APOB: variants seen among roughly 807,000 people sequenced by gnomAD.
The protein encoded by APOB is apolipoprotein B.
Under a neutral mutation model 314.1 loss-of-function variants are expected in APOB, and 153 were observed. The ratio of observed to expected loss-of-function variants is 0.49; its 90% CI spans 0.43 to 0.56. APOB has a LOEUF of 0.56. APOB is among the 20% of genes least tolerant of loss of function. The probability of loss-of-function intolerance (pLI) is 0.00; values close to 1 mark genes in which losing one functional copy is unlikely to be tolerated. For synonymous variants in APOB, 2,087 were observed against 2,036.4 expected, an observed-to-expected ratio of 1.02 and a Z score of -0.67; for missense variants, 5,430 against 5,350.7, an observed-to-expected ratio of 1.01 and a Z score of -0.46.
intron 8 of APOB, 148 bp from the exon 9 acceptor site, chr2:21,033,666 G>A (rs1663934821): frequency 1.4e-6 from 1 of 730,764 alleles, no homozygotes; most frequent in East Asian, 2.6e-5. Context: ...ATCTGGCTCT[G>A]CCATAGGTGA....
Position 21,006,696 on chromosome 2 carries a change from C to T in APOB, c.10172G>A (p.Arg3391Lys), listed in dbSNP as rs965780820. Residue 3391 changes from arginine to lysine, a missense_variant, in exon 26 of 29, where the codon AGG becomes AAG. Transcript: ENST00000233242. ...CAGAGCTGTGGCTAACTTCAATCCCCTTTTTCTTGTCAATCTTGTGGTGCC... is the reference window on the plus strand; with the variant it reads ...CAGAGCTGTGGCTAACTTCAATCCCTTTTTTCTTGTCAATCTTGTGGTGCC... ...LEGTTRLTRK[R>K]GLKLATALSL... The T allele has an allele frequency of 1.2e-6, 2 of 1,613,964 alleles. No homozygotes were observed. Among genetic ancestry groups the T allele is most frequent in the Non-Finnish European group, 1.7e-6 (2 of 1,179,980 alleles).
In APOB at chr2:21,042,427, C is replaced by A; in HGVS notation, c.171G>T (p.Glu57Asp). The A allele has an allele frequency of 3.1e-6, 5 of 1,614,130 alleles. No homozygotes were observed. The highest frequency in any genetic ancestry group is 4.2e-6 in the Non-Finnish European group (5 of 1,180,034). ...KHLRKYTYNY[E>D]AESSSGVPGT... ...CAGGGACTCCACTGGAACTCTCAGCCTCATAGTTGTATGTGTACTTCCGGA... is the reference window on the plus strand; with the variant it reads ...CAGGGACTCCACTGGAACTCTCAGCATCATAGTTGTATGTGTACTTCCGGA... The change falls in exon 3 of 29, where the codon GAG becomes GAT. Residue 57 changes from glutamate to aspartate, a missense_variant. Coordinates refer to ENST00000233242, the MANE Select transcript of APOB (RefSeq NM_000384.3).
Position 21,009,573 on chromosome 2 carries a change from T to C in APOB, c.7295A>G (p.Tyr2432Cys). Residue 2432 changes from tyrosine (Y) to cysteine (C), a missense_variant, in exon 26 of 29, where the codon TAC becomes TGC. Physicochemically the swap from Tyr to Cys is radical, Grantham distance 194 (BLOSUM62 -2). Transcript: ENST00000233242. ...MLIKKLKSFDYHQFVDETNDK... is the reference protein window; with the variant it reads ...MLIKKLKSFDCHQFVDETNDK... ...ATTGGTTTCATCTACAAACTGGTGG[T>C]AATCAAATGACTTTAATTTCTTTAT... is the stretch of plus-strand genomic sequence containing the variant. 1 of 1,614,026 alleles carries C rather than the reference T, an allele frequency of 6.2e-7. No individual in the cohort carries two copies. The highest frequency in any genetic ancestry group is 8.5e-7 in the Non-Finnish European group (1 of 1,179,926).
chr2:21,004,633 T>C lies in APOB; in HGVS notation c.11831A>G (p.Lys3944Arg). Residue 3944 changes from lysine to arginine, a missense_variant, in exon 27 of 29, where the codon AAG becomes AGG. Physicochemically the swap from Lys to Arg is conservative, Grantham distance 26. Coordinates refer to ENST00000233242, the MANE Select transcript of APOB (RefSeq NM_000384.3). ...ACGGTGTGCAAATGTTCCTTTAGTCTTAGAGGCTAACGTACCATCTTCGAT... is the reference window on the plus strand; with the variant it reads ...ACGGTGTGCAAATGTTCCTTTAGTCCTAGAGGCTAACGTACCATCTTCGAT... ...HKIEDGTLAS[K>R]TKGTFAHRDF... is the part of the protein sequence containing the mutation. 1 of 1,613,994 alleles carries C rather than the reference T, an allele frequency of 6.2e-7. No homozygotes were observed. Among genetic ancestry groups the C allele is most frequent in the Admixed American group, 1.7e-5 (1 of 60,020 alleles).
chr2:21,013,287 G>T lies in APOB; in HGVS notation c.4089C>A (p.Tyr1363Ter), dbSNP rs1553384177. ...LGVLDLSTNVYSNLYNWSASY... is the reference protein window; with the variant it reads ...LGVLDLSTNV ...AGGCGGACCAGTTGTACAAGTTGCT[G>T]TAGACATTCGTGGAGAGGTCTAGAA... Residue 1363 changes from tyrosine to a stop codon, truncating the protein, a stop_gained, in exon 25 of 29, where the codon TAC becomes TAA. Coordinates refer to ENST00000233242, the MANE Select transcript of APOB (RefSeq NM_000384.3). LOFTEE classifies it high-confidence loss of function. The T allele has an allele frequency of 6.2e-7, 1 of 1,614,244 alleles. No homozygotes were observed. The highest frequency in any genetic ancestry group is 8.5e-7 in the Non-Finnish European group (1 of 1,180,042).
chr2:21,011,034 T>A lies in APOB; in HGVS notation c.5834A>T (p.Asp1945Val), dbSNP rs181877973. The A allele has an allele frequency of 6.2e-7, 1 of 1,614,038 alleles. No individual in the cohort carries two copies. The highest frequency in any genetic ancestry group is 1.1e-5 in the South Asian group (1 of 91,086). Residue 1945 changes from aspartate (D) to valine (V), a missense_variant, in exon 26 of 29, where the codon GAT (aspartate) becomes GTT (valine). Around this residue, in one of 3 missense-constraint regions of APOB, gnomAD observed 3,281 missense variants for 3,171.0 expected, o/e 1.03. Transcript: ENST00000233242. Reference sequence around the variant, plus strand: ...ATGATGACTTGTGGAGCCTTTGTAATCATGAGAGAAAGTAAATGCCAGAGG... The same window carrying A: ...ATGATGACTTGTGGAGCCTTTGTAAACATGAGAGAAAGTAAATGCCAGAGG... ...AEPLAFTFSH[D>V]YKGSTSHHLV...
intron 22 of APOB, 21 bp from the exon 23 acceptor site, chr2:21,015,281 G>T (rs761229829): frequency 6.2e-7 from 1 of 1,613,680 alleles, no homozygotes; most frequent in South Asian, 1.1e-5. Context: ...GTAGGAAATA[G>T]TTGTGAATGG....
chr2:21,032,344 G>A lies in APOB; in HGVS notation c.1352+10C>T. 6.2e-7 allele frequency: 1 copy of A among 1,610,392 alleles called. No homozygotes were observed. The highest frequency in any genetic ancestry group is 8.5e-7 in the Non-Finnish European group (1 of 1,179,072). ...GCTCCTAGGAGGAGAAATACAGTGT[G>A]GAAACTCACTTGTTGACCGCGTGGC... is the stretch of plus-strand genomic sequence containing the variant. On this transcript the variant is annotated intron_variant, in intron 10 of 28. Transcript: ENST00000233242.
intron 18 of APOB, among the ~76,000 whole-genome samples, chr2:21,021,275 A>G (rs1325277240): frequency 1.3e-5 from 2 of 152,158 alleles, no homozygotes; most frequent in Non-Finnish European, 2.9e-5. Flanking sequence ...TTAATCACCC[A>G]GTACTTATGA....
Position 21,037,111 on chromosome 2 carries a change from T to C in APOB, c.682A>G (p.Ile228Val). ...IRTGISPLALIKGMTRPLSTL... is the reference protein window; with the variant it reads ...IRTGISPLALVKGMTRPLSTL... ...GACATGGGACTTACCATGCCTTTGATGAGAGCAAGTGGGCTGATGCCTGTG... is the reference window on the plus strand; with the variant it reads ...GACATGGGACTTACCATGCCTTTGACGAGAGCAAGTGGGCTGATGCCTGTG... The change falls in exon 6 of 29, where the codon ATC (isoleucine) becomes GTC (valine). Residue 228 changes from isoleucine (I) to valine (V), a missense_variant. Ile to Val is a conservative substitution (Grantham distance 29). This residue lies in a region of APOB where 2,085 missense variants were observed against 2,079.7 expected (regional missense o/e 1.00). Coordinates refer to ENST00000233242, the MANE Select transcript of APOB (RefSeq NM_000384.3). The C allele has an allele frequency of 1.2e-6, 2 of 1,614,216 alleles. No homozygotes were observed. The highest frequency in any genetic ancestry group is 1.7e-6 in the Non-Finnish European group (2 of 1,180,030).
chr2:21,040,996 C>T lies in APOB; in HGVS notation c.325G>A (p.Gly109Ser). Reference sequence around the variant, plus strand: ...TTGGTTTTCTTCAGCAAGGCTTTGCCCTCAGGGTTGAAGCCATACACCTCT... The same window carrying T: ...TTGGTTTTCTTCAGCAAGGCTTTGCTCTCAGGGTTGAAGCCATACACCTCT... ...LKEVYGFNPEGKALLKKTKNS... is the reference protein window; with the variant it reads ...LKEVYGFNPESKALLKKTKNS... The change falls in exon 4 of 29, where the codon GGC (glycine) becomes AGC (serine). Residue 109 changes from glycine to serine, a missense_variant. By Grantham distance (56) the Gly-to-Ser change is moderately conservative. Around this residue, in one of 3 missense-constraint regions of APOB, gnomAD observed 2,085 missense variants for 2,079.7 expected, o/e 1.00. Coordinates refer to ENST00000233242, the MANE Select transcript of APOB (RefSeq NM_000384.3). 1 of 1,613,956 alleles carries T rather than the reference C, an allele frequency of 6.2e-7. No homozygotes were observed. The highest frequency in any genetic ancestry group is 8.5e-7 in the Non-Finnish European group (1 of 1,180,008).
chr2:21,037,334 T>A, intron 5 of APOB, 79 bp from the exon 6 acceptor site: 3 of 1,426,218 alleles, frequency 2.1e-6, no homozygotes, highest in Non-Finnish European at 2.9e-6. Flanking sequence ...GGGGTGGGGA[T>A]CGTGAAAGAA....
Position 21,003,236 on chromosome 2 carries a change from T to G in APOB, c.12186A>C (p.Ala4062=). The change falls in exon 29 of 29, where the codon GCA becomes GCC. Residue 4062 remains alanine, a synonymous_variant. Transcript: ENST00000233242. Reference sequence around the variant, plus strand: ...TCAGAGAGGTTAGCAAGCCAGAAGCTGCCTCTTCTTCCCAATTAACTTTGA... The same window carrying G: ...TCAGAGAGGTTAGCAAGCCAGAAGCGGCCTCTTCTTCCCAATTAACTTTGA... ...TQIKVNWEEE[A]ASGLLTSLKD... The G allele has an allele frequency of 6.2e-7, 1 of 1,614,026 alleles. No individual in the cohort carries two copies. Among genetic ancestry groups the G allele is most frequent in the Non-Finnish European group, 8.5e-7 (1 of 1,179,946 alleles).
rs1663447101 is a variant in APOB at position 21,015,647 on chromosome 2, A to T, written c.3333-102T>A. 5 of 1,277,470 alleles carry T rather than the reference A, an allele frequency of 3.9e-6. No individual in the cohort carries two copies. The South Asian group carries it at 6.2e-5, about 16-fold the overall frequency. The allele number at this position is 1,277,470 out of a possible 1,614,324, so 79.1% of individuals were successfully genotyped here. ...ATTTGTGGTGATCAAAACCAGATAC[A>T]AGGATGGTTCAGAGAAACAGCCACA... On this transcript the variant is annotated intron_variant, in intron 21 of 28. Transcript: ENST00000233242.
intron 13 of APOB, 47 bp from the exon 14 acceptor site, chr2:21,028,112 C>A (rs374000835): frequency 9.4e-6 from 13 of 1,376,380 alleles, no homozygotes; most frequent in Non-Finnish European, 1.2e-5. Context: ...ATGTTATTAT[C>A]CTTTGACTCT....
At chr2:21,014,682 G>A in intron 23 of APOB, 89 bp from the exon 24 acceptor site, 1 of 1,367,706 alleles carries the variant, frequency 7.3e-7, no homozygotes, top group Admixed American at 1.8e-5. Context: ...GATTTGACAA[G>A]TTAATTATTA....
In APOB at chr2:21,013,497, A is replaced by G. The variant is rs756270038; in HGVS notation, c.3879T>C (p.Ser1293=). ...GRVKYTLNKN[S]LKIEIPLPFG... ...AAGGCAAAGGAATCTCAATTTTCAA[A>G]CTGTTCTTGTTCAAGGTATATTTGA... The change falls in exon 25 of 29, where the codon AGT becomes AGC. Residue 1293 remains serine, a synonymous_variant. Transcript: ENST00000233242. The G allele has an allele frequency of 6.8e-6, 11 of 1,614,066 alleles. No homozygotes were observed. The African/African-American group carries it at 1.5e-4, about 22-fold the overall frequency.
At position 21,008,675 on chromosome 2, in the gene APOB, A is replaced by T. The variant is rs760565615; in HGVS notation, c.8193T>A (p.Phe2731Leu). 4 of 1,614,004 alleles carry T rather than the reference A, an allele frequency of 2.5e-6. No individual in the cohort carries two copies. Among genetic ancestry groups the T allele is most frequent in the Non-Finnish European group, 3.4e-6 (4 of 1,179,980 alleles). The change falls in exon 26 of 29, where the codon TTT becomes TTA. Residue 2731 changes from phenylalanine (F) to leucine (L), a missense_variant. Transcript: ENST00000233242. The part of the protein sequence containing the change: ...FIIPTLNLND[F>L]QVPDLHIPEF... ...CTGGTATGTGAAGGTCAGGAACTTGAAAATCATTAAGGTTGAGAGTTGGGA... is the reference window on the plus strand; with the variant it reads ...CTGGTATGTGAAGGTCAGGAACTTGTAAATCATTAAGGTTGAGAGTTGGGA...
chr2:21,007,521 C>T lies in APOB; in HGVS notation c.9347G>A (p.Gly3116Glu), dbSNP rs866364156. The T allele has an allele frequency of 1.2e-6, 2 of 1,614,044 alleles. No homozygotes were observed. The highest frequency in any genetic ancestry group is 1.7e-6 in the Non-Finnish European group (2 of 1,179,946). Residue 3116 changes from glycine to glutamate, a missense_variant, in exon 26 of 29, where the codon GGA (glycine) becomes GAA (glutamate). Physicochemically the swap from Gly to Glu is moderately conservative, Grantham distance 98. This residue lies in a region of APOB where 3,281 missense variants were observed against 3,171.0 expected (regional missense o/e 1.03). Transcript: ENST00000233242. ...ATCCAGATTTGCTTCTCCATTTATT[C>T]CTACATGGGCCTCCATAATGTTCTC... ...NNENIMEAHV[G>E]INGEANLDFL...
Sources: gnomAD v4.1 joint callset for allele counts (sites outside exome capture counted in the v4.1 genomes callset) on GRCh38, gnomAD v4.1.1 for gene constraint, gnomAD v4.1.1 regional missense constraint, MANE v1.5 for transcripts, NCBI Gene and HGNC (gene_info 2026-07-23, HGNC 2026-07-21) for gene names.